The following BFSP2 variants were observed in gnomAD, a reference collection of about 807,000 sequenced individuals.
BFSP2 encodes the protein phakinin.
A neutral mutation model predicts 44.9 loss-of-function variants in BFSP2; 38 were observed. The ratio of observed to expected loss-of-function variants is 0.85; its 90% CI spans 0.65 to 1.11. The LOEUF (loss-of-function observed/expected upper bound fraction) is 1.11, where lower values mean the gene tolerates loss of function less well. BFSP2 is among the 50% of genes least tolerant of loss of function. The probability of loss-of-function intolerance (pLI) is 0.00; values close to 1 mark genes in which losing one functional copy is unlikely to be tolerated. For missense variants in BFSP2, 525 were observed against 533.0 expected, an observed-to-expected ratio of 0.99 and a Z score of 0.15; for synonymous variants, 197 against 209.9, an observed-to-expected ratio of 0.94 and a Z score of 0.53.
chr3:133,440,510 G>C (rs910041214), intron 1 of BFSP2, among the ~76,000 whole-genome samples: 1 of 152,134 alleles, frequency 6.6e-6, no homozygotes, highest in African/African-American at 2.4e-5. Context: ...AAATGGTAGG[G>C]TTTAAACCCT....
At chr3:133,405,180 A>AGGC (rs1374961156) in intron 1 of BFSP2, among the ~76,000 whole-genome samples, 2 of 152,210 alleles carry the variant, frequency 1.3e-5, no homozygotes, top group African/African-American at 4.8e-5. Context: ...GGGGAGAATG[A>AGGC]AGCTGCCTGA....
At chr3:133,445,149 T>A (rs2073885700) in intron 1 of BFSP2, among the ~76,000 whole-genome samples, 1 of 152,234 alleles carries the variant, frequency 6.6e-6, no homozygotes. Flanking sequence ...AAAAGTTTCA[T>A]GGGGAAGCCG....
At chr3:133,420,945 C>T (rs970565287) in intron 1 of BFSP2, among the ~76,000 whole-genome samples, 13 of 152,200 alleles carry the variant, frequency 8.5e-5, no homozygotes, top group African/African-American at 2.7e-4. Context: ...CTGACTCCTT[C>T]CCACAAGAGA....
intron 4 of BFSP2, among the ~76,000 whole-genome samples, chr3:133,461,840 G>A (rs2074066516): frequency 6.6e-6 from 1 of 152,200 alleles, no homozygotes; most frequent in African/African-American, 2.4e-5. Context: ...CCTCTGTTCA[G>A]TGCTGGGAGG....
At chr3:133,413,556 G>T (rs1002222851) in intron 1 of BFSP2, among the ~76,000 whole-genome samples, 1 of 151,972 alleles carries the variant, frequency 6.6e-6, no homozygotes, top group African/African-American at 2.4e-5. Flanking sequence ...TCTCCCAGAG[G>T]GTTTATGCTG....
intron 1 of BFSP2, among the ~76,000 whole-genome samples, chr3:133,415,077 C>G (rs2073504329): frequency 7.2e-6 from 1 of 139,178 alleles, no homozygotes; most frequent in Non-Finnish European, 1.6e-5. Flanking sequence ...CCTCTACTTG[C>G]CCCAGTCCTC....
At chr3:133,419,703 C>T (rs1224765832) in intron 1 of BFSP2, among the ~76,000 whole-genome samples, 3 of 152,202 alleles carry the variant, frequency 2.0e-5, no homozygotes, top group Non-Finnish European at 4.4e-5. Context: ...GGGCGGCTTC[C>T]GACCCATCAG....
At position 133,400,718 on chromosome 3, in the gene BFSP2, A is replaced by T. The variant is rs1391357771; in HGVS notation, c.489+146A>T. 5.2e-6 allele frequency: 7 copies of T among 1,338,162 alleles called. No homozygotes were observed. The highest frequency in any genetic ancestry group is 7.1e-6 in the Non-Finnish European group (7 of 984,976). 82.9% of individuals were successfully genotyped at this position (1,338,162 alleles called of 1,614,324 possible). Reference sequence around the variant, plus strand: ...CACTTAAAATGGTAATGATAACAACAATGCTACCTTTTACCGAGGTTTACT... The same window carrying T: ...CACTTAAAATGGTAATGATAACAACTATGCTACCTTTTACCGAGGTTTACT... On this transcript the variant is annotated intron_variant, in intron 1 of 6. Coordinates refer to ENST00000302334, the MANE Select transcript of BFSP2 (RefSeq NM_003571.4). This position sits in a 1 kb window ranked among gnomAD's most constrained non-coding sequence, Gnocchi z 4.0.
At chr3:133,462,751 C>T (rs2074075539) in intron 4 of BFSP2, among the ~76,000 whole-genome samples, 1 of 152,204 alleles carries the variant, frequency 6.6e-6, no homozygotes, top group Non-Finnish European at 1.5e-5. Flanking sequence ...GCATGACTTG[C>T]TATTTCTTGG....
chr3:133,401,183 T>C (rs2073360150), intron 1 of BFSP2, among the ~76,000 whole-genome samples: 1 of 152,228 alleles, frequency 6.6e-6, no homozygotes, highest in Non-Finnish European at 1.5e-5. Context: ...GTTAATATTA[T>C]AGCTTATTTA....
chr3:133,425,774 AAAG>A (rs2073639122), intron 1 of BFSP2, among the ~76,000 whole-genome samples: 2 of 63,808 alleles, frequency 3.1e-5, no homozygotes, highest in African/African-American at 1.0e-4. Context: ...TGGGAAAGGG[AAAG>A]GGAAAGGGAA....
intron 3 of BFSP2, chr3:133,449,339 T>C (rs2073934410): frequency 6.6e-6 from 1 of 152,406 alleles, no homozygotes; most frequent in South Asian, 2.1e-4. Flanking sequence ...ATGCCAAAGT[T>C]ATCTTTTAAG....
At chr3:133,430,063 T>A (rs55916276) in intron 1 of BFSP2, among the ~76,000 whole-genome samples, 12 of 151,256 alleles carry the variant, frequency 7.9e-5, no homozygotes, top group Non-Finnish European at 1.5e-4. Context: ...GTTTCATCCA[T>A]GTCCCTACAA....
intron 1 of BFSP2, among the ~76,000 whole-genome samples, chr3:133,442,037 G>T (rs1018427431): frequency 4.6e-5 from 7 of 152,228 alleles, no homozygotes; most frequent in African/African-American, 1.7e-4. Context: ...TGGAGCAATG[G>T]AAGAGTAACA....
chr3:133,402,885 C>T (rs2073373750), intron 1 of BFSP2, among the ~76,000 whole-genome samples: 1 of 152,044 alleles, frequency 6.6e-6, no homozygotes, highest in Non-Finnish European at 1.5e-5. Flanking sequence ...TCAGGTGATC[C>T]ACCCGCCTCT....
At chr3:133,467,017 A>G (rs1355756951) in intron 5 of BFSP2, 58 bp downstream of exon 5, 4 of 1,600,280 alleles carry the variant, frequency 2.5e-6, no homozygotes, top group Non-Finnish European at 3.4e-6. Flanking sequence ...CTCTACTGTC[A>G]AATTCCAGTA....
intron 4 of BFSP2, among the ~76,000 whole-genome samples, chr3:133,460,641 T>C (rs573780550): frequency 1.8e-4 from 27 of 152,320 alleles, no homozygotes; most frequent in Non-Finnish European, 2.9e-4. Flanking sequence ...CTAAAAGTTA[T>C]GCCAGACTTC....
chr3:133,441,063 G>A (rs1485142901), intron 1 of BFSP2, among the ~76,000 whole-genome samples: 2 of 147,148 alleles, frequency 1.4e-5, no homozygotes, highest in African/African-American at 5.1e-5. Context: ...TTTTTTGAGG[G>A]AGTTTTGCTC....
intron 3 of BFSP2, 140 bp from the exon 4 acceptor site, chr3:133,450,163 T>C: frequency 1.0e-6 from 1 of 956,066 alleles, no homozygotes; most frequent in African/African-American, 1.6e-5. Flanking sequence ...TCAGGGACTT[T>C]CCCAGTCTCT....
Sources: gnomAD v4.1 joint callset for allele counts (sites outside exome capture counted in the v4.1 genomes callset) on GRCh38, gnomAD v4.1.1 for gene constraint, Gnocchi (gnomAD v3.1) non-coding constraint, MANE v1.5 for transcripts, NCBI Gene and HGNC (gene_info 2026-07-23, HGNC 2026-07-21) for gene names.